Variants in PDK1 observed in about 807,000 individuals in gnomAD.
The protein encoded by PDK1 is [Pyruvate dehydrogenase (acetyl-transferring)] kinase isozyme 1, mitochondrial.
PDK1 carries 39 observed loss-of-function variants against 54.2 expected under a neutral mutation model. The ratio of observed to expected loss-of-function variants is 0.72; its 90% CI spans 0.56 to 0.94. The LOEUF (loss-of-function observed/expected upper bound fraction) is 0.94, where lower values mean the gene tolerates loss of function less well. Among genes scored for constraint, PDK1 ranks in the 40% least tolerant of loss-of-function variants. The pLI, the probability that PDK1 is intolerant of heterozygous loss-of-function variation, is 0.00. For missense variants in PDK1, 552 were observed against 566.0 expected (o/e 0.98, Z 0.25); for synonymous variants, 221 against 207.1 (o/e 1.07, Z -0.58).
At chr2:172,610,364 G>A (rs1691423070), downstream of PDK1, among the ~76,000 whole-genome samples, 1 of 152,010 alleles carries the variant, frequency 6.6e-6, no homozygotes, top group South Asian at 2.1e-4. Flanking sequence ...GCCTCTCAGA[G>A]CTCTGAGCAT....
chr2:172,634,262 A>ATATTATTATTATTATTAT, the PDK1 span, among the ~76,000 whole-genome samples: 4,627 of 139,434 alleles, frequency 0.033, 118 homozygotes, highest in Admixed American at 0.053. Flanking sequence ...AAATCTATTT[A>ATATTATTATTATTATTAT]TATTATTATT....
Position 172,566,260 on chromosome 2 carries a change from T to C in PDK1, c.692-596T>C, listed in dbSNP as rs367943502. Among the ~76,000 whole-genome samples, 15 of 152,288 alleles carry C rather than the reference T, an allele frequency of 9.8e-5. No individual in the cohort carries two copies. The East Asian group carries it at 2.7e-3, about 27-fold the overall frequency. The stretch of plus-strand genomic sequence containing the variant: ...CTATTCAGCTTTGTCATGTCACACT[T>C]AGACTTTCCCTGGGCCAGGCACAGT... On this transcript the variant is annotated intron_variant, in intron 5 of 10. Coordinates refer to ENST00000282077, the MANE Select transcript of PDK1 (RefSeq NM_002610.5).
the PDK1 span, among the ~76,000 whole-genome samples, chr2:172,633,918 C>T: frequency 8.6e-6 from 1 of 116,412 alleles, no homozygotes; most frequent in East Asian, 2.6e-4. Context: ...CTCTCTTGTC[C>T]AGACTGGAGT....
rs147909166 is a variant in PDK1, at chr2:172,595,921, C to T, written c.1263C>T (p.Cys421=). Residue 421 remains cysteine, a synonymous_variant, in exon 11 of 11, where the codon TGC becomes TGT. Transcript: ENST00000282077. The part of the protein sequence containing the change: ...YNTNHEADDW[C]VPSREPKDMT... ...CCAACCACGAGGCTGATGACTGGTG[C>T]GTCCCCAGCAGAGAACCCAAAGACA... The T allele has an allele frequency of 8.1e-5, 131 of 1,613,450 alleles. No individual in the cohort carries two copies. In the African/African-American group the frequency reaches 1.3e-3, roughly 16 times the overall value.
chr2:172,703,627 C>A, the PDK1 span, among the ~76,000 whole-genome samples: 1 of 151,734 alleles, frequency 6.6e-6, no homozygotes, highest in African/African-American at 2.4e-5. Context: ...TAATTTTAGC[C>A]GAGGGAAGCC....
At chr2:172,621,870 A>G in the PDK1 span, among the ~76,000 whole-genome samples, 5 of 143,082 alleles carry the variant, frequency 3.5e-5, 1 homozygote, top group African/African-American at 1.3e-4. Flanking sequence ...TCTCATATGT[A>G]TGATATATGT....
At chr2:172,641,008 T>G in the PDK1 span, among the ~76,000 whole-genome samples, 1 of 24,158 alleles carries the variant, frequency 4.1e-5, no homozygotes, top group Admixed American at 8.1e-4. Context: ...TTTCTTTTCT[T>G]TCTTTCTTTC....
At chr2:172,624,660 C>T in the PDK1 span, among the ~76,000 whole-genome samples, 1 of 151,990 alleles carries the variant, frequency 6.6e-6, no homozygotes, top group Non-Finnish European at 1.5e-5. Context: ...AGAGAGCTTC[C>T]CTGGGGGTAA....
At chr2:172,580,250 T>C (rs1689828470) in intron 8 of PDK1, among the ~76,000 whole-genome samples, 1 of 151,804 alleles carries the variant, frequency 6.6e-6, no homozygotes, top group Admixed American at 6.6e-5. Context: ...TTTTTTTTTT[T>C]TTTTTTAGCT....
At chr2:172,674,640 T>C in the PDK1 span, 4 of 152,340 alleles carry the variant, frequency 2.6e-5, no homozygotes, top group African/African-American at 2.4e-5. Flanking sequence ...CCATCAGAAC[T>C]TCCCGATGAA....
chr2:172,720,116 CTT>C, the PDK1 span, among the ~76,000 whole-genome samples: 4 of 116,728 alleles, frequency 3.4e-5, no homozygotes, highest in African/African-American at 9.8e-5. Flanking sequence ...CTCTCTCTCT[CTT>C]TTTTTTTTTT....
At chr2:172,618,683 A>AT in the PDK1 span, among the ~76,000 whole-genome samples, 1 of 152,214 alleles carries the variant, frequency 6.6e-6, no homozygotes, top group African/African-American at 2.4e-5. Context: ...TGGCAACAAA[A>AT]TTAAGGAGAG....
chr2:172,654,099 C>A, the PDK1 span, among the ~76,000 whole-genome samples: 1 of 152,150 alleles, frequency 6.6e-6, no homozygotes, highest in Non-Finnish European at 1.5e-5. Context: ...GAATGGCAAT[C>A]ATTAAAAAGT....
rs949928763 is a variant in PDK1, at chr2:172,560,201, C to T, written c.338+1352C>T. 7.9e-5 allele frequency among the ~76,000 whole-genome samples: 12 copies of T among 152,206 alleles called. No homozygotes were observed. The East Asian group carries it at 2.3e-3, about 29-fold the overall frequency. Reference sequence around the variant, plus strand: ...TTTTTAGAGACAGGGTCTCCATCACCCAGGCTAGAGTGCAGTAGTGTGATC... The same window carrying T: ...TTTTTAGAGACAGGGTCTCCATCACTCAGGCTAGAGTGCAGTAGTGTGATC... On this transcript the variant is annotated intron_variant, in intron 2 of 10. Transcript: ENST00000282077.
rs1178133263 is a variant in PDK1, at chr2:172,558,755, G to A, written c.244G>A (p.Glu82Lys). 6.2e-7 allele frequency: 1 copy of A among 1,610,506 alleles called. No individual in the cohort carries two copies. The highest frequency in any genetic ancestry group is 8.5e-7 in the Non-Finnish European group (1 of 1,178,690). Residue 82 changes from glutamate (E) to lysine (K), a missense_variant, in exon 2 of 11, where the codon GAG becomes AAG. Glu to Lys is a moderately conservative substitution (Grantham distance 56). Transcript: ENST00000282077. ...GACCTCATTTATGTTTCTGCGGCAA[G>A]AGTTGCCTGTCAGACTGGCAAATAT... ...EKTSFMFLRQ[E>K]LPVRLANIMK... is the part of the protein sequence containing the mutation.
chr2:172,645,121 G>A, the PDK1 span, among the ~76,000 whole-genome samples: 1 of 152,130 alleles, frequency 6.6e-6, no homozygotes, highest in African/African-American at 2.4e-5. Flanking sequence ...AATTAGCTGT[G>A]ATGAGAGTAT....
At chr2:172,565,688 G>T (rs1688899355) in intron 5 of PDK1, among the ~76,000 whole-genome samples, 2 of 152,050 alleles carry the variant, frequency 1.3e-5, no homozygotes, top group Non-Finnish European at 2.9e-5. Flanking sequence ...ATAACAATTT[G>T]GTTTGAATCA....
the PDK1 span, among the ~76,000 whole-genome samples, chr2:172,625,472 ACTTT>A: frequency 1.3e-5 from 2 of 152,116 alleles, no homozygotes; most frequent in African/African-American, 4.8e-5. Flanking sequence ...TCTGTTTGTA[ACTTT>A]CTTTCTTCAA....
At chr2:172,667,590 C>T in the PDK1 span, among the ~76,000 whole-genome samples, 1 of 152,188 alleles carries the variant, frequency 6.6e-6, no homozygotes, top group Non-Finnish European at 1.5e-5. Flanking sequence ...GCTTCAAATT[C>T]AGAAACTAGA....
Sources: gnomAD v4.1 joint callset for allele counts (sites outside exome capture counted in the v4.1 genomes callset) on GRCh38, gnomAD v4.1.1 for gene constraint, MANE v1.5 for transcripts, NCBI Gene and HGNC (gene_info 2026-07-23, HGNC 2026-07-21) for gene names.